Variants in SLIT2 observed in about 807,000 individuals in gnomAD.
The protein encoded by SLIT2 is slit guidance ligand 2.
SLIT2 carries 41 observed loss-of-function variants against 185.7 expected under a neutral mutation model. That is an observed-to-expected ratio of 0.22 (90% CI 0.17 to 0.29). The LOEUF is 0.29. SLIT2 is among the 10% of genes least tolerant of loss of function. The pLI is 1.00. For synonymous variants in SLIT2, 693 were observed against 680.2 expected (o/e 1.02, Z -0.29); for missense variants, 1,571 against 1,909.0 (o/e 0.82, Z 3.30).
intron 4 of SLIT2, among the ~76,000 whole-genome samples, chr4:20,342,971 T>C (rs1252694959): frequency 6.6e-6 from 1 of 152,044 alleles, no homozygotes; most frequent in Non-Finnish European, 1.5e-5. Flanking sequence ...TGCATTATAC[T>C]TGTACATATT....
rs1354468952 is a variant in SLIT2, at chr4:20,324,262, A to ATGTATTGGTGAGGTGCTGATGT, written c.395+55466_395+55487dup. ...TTGACAACCCCAGTGCATTGAGACA[A>ATGTATTGGTGAGGTGCTGATGT]TGTATTGGTGAGGTGCTGATGTTGT... On this transcript the variant is annotated intron_variant, in intron 4 of 36. Transcript: ENST00000504154. 5.8e-4 allele frequency among the ~76,000 whole-genome samples: 73 copies of ATGTATTGGTGAGGTGCTGATGT among 125,214 alleles called. 3 individuals are homozygous for ATGTATTGGTGAGGTGCTGATGT. The highest frequency in any genetic ancestry group is 2.2e-3 in the African/African-American group (62 of 28,724). The allele number at this position is 125,214 out of a possible 152,430, so 82.1% of individuals were successfully genotyped here. A position where few individuals can be genotyped will look rare whatever the true frequency, so the allele number is the denominator to read the frequency against.
intron 29 of SLIT2, among the ~76,000 whole-genome samples, chr4:20,572,464 G>T (rs1725690731): frequency 1.3e-5 from 2 of 151,994 alleles, no homozygotes; most frequent in South Asian, 2.1e-4. Context: ...TTTTTGTTTG[G>T]TTATTTTTTT....
chr4:20,488,475 C>T (rs1029080125), intron 7 of SLIT2, among the ~76,000 whole-genome samples: 6 of 152,142 alleles, frequency 3.9e-5, no homozygotes, highest in African/African-American at 1.4e-4. Flanking sequence ...CCAGTCTCCC[C>T]ATTCTCCCAC....
intron 16 of SLIT2, among the ~76,000 whole-genome samples, chr4:20,529,516 G>C (rs931715754): frequency 1.3e-5 from 2 of 152,186 alleles, no homozygotes; most frequent in African/African-American, 4.8e-5. Context: ...CAAGGAGTCT[G>C]TCTTACCTAA....
chr4:20,414,409 A>G (rs1047016347), intron 4 of SLIT2, among the ~76,000 whole-genome samples: 2 of 152,150 alleles, frequency 1.3e-5, no homozygotes, highest in African/African-American at 4.8e-5. Flanking sequence ...GTGAAAATAT[A>G]TTTATACTAT....
chr4:20,354,906 T>TGAGA (rs35761202), intron 4 of SLIT2, among the ~76,000 whole-genome samples: 94 of 77,088 alleles, frequency 1.2e-3, no homozygotes, highest in South Asian at 3.2e-3. Context: ...TGTGTGTGTG[T>TGAGA]GAGAGAGAGA....
At chr4:20,375,703 A>G (rs1394856172) in intron 4 of SLIT2, among the ~76,000 whole-genome samples, 1 of 152,016 alleles carries the variant, frequency 6.6e-6, no homozygotes, top group Non-Finnish European at 1.5e-5. Flanking sequence ...AATATTTTTA[A>G]CAACCTGGTC....
At chr4:20,296,685 C>T (rs780176711) in intron 4 of SLIT2, among the ~76,000 whole-genome samples, 8 of 152,152 alleles carry the variant, frequency 5.3e-5, no homozygotes, top group Non-Finnish European at 1.2e-4. Context: ...AAATGTGGCA[C>T]TTTCTTTTAC....
chr4:20,259,298 G>A (rs1018742319), intron 3 of SLIT2, among the ~76,000 whole-genome samples: 1 of 151,504 alleles, frequency 6.6e-6, no homozygotes, highest in African/African-American at 2.4e-5. Flanking sequence ...CTAATTCCTA[G>A]TAAGTAACTT....
chr4:20,471,907 C>G (rs1385970286), intron 5 of SLIT2, among the ~76,000 whole-genome samples: 1 of 152,014 alleles, frequency 6.6e-6, no homozygotes, highest in South Asian at 2.1e-4. Flanking sequence ...CTATTCATTT[C>G]TTAACTCGAT....
intron 33 of SLIT2, among the ~76,000 whole-genome samples, chr4:20,603,772 T>G (rs1045567877): frequency 1.3e-5 from 2 of 152,146 alleles, no homozygotes; most frequent in African/African-American, 4.8e-5. Flanking sequence ...GGTTGTGCAA[T>G]TTACAGGCTT....
chr4:20,592,344 T>G (rs1332877157), intron 30 of SLIT2, among the ~76,000 whole-genome samples: 1 of 152,192 alleles, frequency 6.6e-6, no homozygotes, highest in Admixed American at 6.5e-5. Context: ...TAGCCAGCTT[T>G]GGGCTTCTAA....
At chr4:20,312,849 C>T (rs1718247172) in intron 4 of SLIT2, among the ~76,000 whole-genome samples, 1 of 149,770 alleles carries the variant, frequency 6.7e-6, no homozygotes, top group African/African-American at 2.5e-5. Context: ...TTTAGTCCTT[C>T]TTTAAATGGC....
At chr4:20,419,991 G>A (rs1453730975) in intron 4 of SLIT2, among the ~76,000 whole-genome samples, 1 of 152,034 alleles carries the variant, frequency 6.6e-6, no homozygotes, top group Non-Finnish European at 1.5e-5. Context: ...CTGTGCAGCT[G>A]TCTCTATGGG....
intron 4 of SLIT2, among the ~76,000 whole-genome samples, chr4:20,358,250 T>C (rs950140913): frequency 1.3e-5 from 2 of 152,132 alleles, no homozygotes; most frequent in African/African-American, 4.8e-5. Context: ...AGTTATATGT[T>C]AGACATCATA....
chr4:20,414,370 T>C (rs1458098862), intron 4 of SLIT2, among the ~76,000 whole-genome samples: 2 of 152,182 alleles, frequency 1.3e-5, no homozygotes, highest in Non-Finnish European at 2.9e-5. Context: ...CTTTATGCAG[T>C]TGTTTTTTAA....
intron 4 of SLIT2, among the ~76,000 whole-genome samples, chr4:20,404,451 C>T (rs955216427): frequency 2.0e-5 from 3 of 151,910 alleles, no homozygotes; most frequent in South Asian, 4.1e-4. Context: ...CTTAATTCTC[C>T]GAGTTTCATA....
chr4:20,485,487 C>T lies in SLIT2; in HGVS notation c.540-713C>T, dbSNP rs377081224. On this transcript the variant is annotated intron_variant, in intron 6 of 36. Transcript: ENST00000504154. ...GTTATTTATTTTCACAATAACTCTTCACCACACATATTCCTGGATCTGCTA... is the reference window on the plus strand; with the variant it reads ...GTTATTTATTTTCACAATAACTCTTTACCACACATATTCCTGGATCTGCTA... Among the ~76,000 whole-genome samples the T allele has an allele frequency of 1.5e-4, 23 of 152,234 alleles. No homozygotes were observed. In the South Asian group the frequency reaches 2.1e-3, roughly 14 times the overall value.
At chr4:20,530,521 A>G (rs1051749889) in intron 16 of SLIT2, among the ~76,000 whole-genome samples, 1 of 152,050 alleles carries the variant, frequency 6.6e-6, no homozygotes, top group African/African-American at 2.4e-5. Flanking sequence ...GAGCTCAAGC[A>G]ATCCTCCTGC....
Sources: allele counts gnomAD v4.1 joint callset (sites outside exome capture counted in the v4.1 genomes callset), GRCh38; gene constraint gnomAD v4.1.1; transcripts MANE v1.5; gene names NCBI Gene and HGNC (gene_info 2026-07-23, HGNC 2026-07-21).